The following GDI2 variants were observed in gnomAD, a reference collection of about 807,000 sequenced individuals.
The protein encoded by GDI2 is rab GDP dissociation inhibitor beta.
In GDI2, 22 loss-of-function variants were observed where a neutral mutation model predicts 54.2. The observed-to-expected ratio is 0.41, with a 90% CI of 0.29 to 0.58. The LOEUF (loss-of-function observed/expected upper bound fraction) is 0.58. Ranked by LOEUF, GDI2 falls within the 20% of genes least tolerant of loss-of-function variation. The probability of loss-of-function intolerance (pLI) is 0.35; values close to 1 mark genes in which losing one functional copy is unlikely to be tolerated. For synonymous variants in GDI2, 177 were observed against 182.1 expected (o/e 0.97, Z 0.23); for missense variants, 422 against 546.0 (o/e 0.77, Z 2.26).
chr10:5,806,057 A>C (rs1456940043), intron 1 of GDI2, among the ~76,000 whole-genome samples: 1 of 152,348 alleles, frequency 6.6e-6, no homozygotes, highest in South Asian at 2.1e-4. Context: ...TTTCTGTTAT[A>C]TATCAAGAAG....
Position 5,776,134 on chromosome 10 carries a change from G to GCTATTTCT in GDI2, c.720-2201_720-2194dup, listed in dbSNP as rs1193065958. The GCTATTTCT allele has an allele frequency of 1.1e-5, 3 of 267,222 alleles. No individual in the cohort carries two copies. The highest frequency in any genetic ancestry group is 4.7e-5 in the Admixed American group (1 of 21,458). 16.6% of individuals were successfully genotyped at this position (267,222 alleles called of 1,614,324 possible). ...ACCATTTATCAGCAACTACAAAGAA[G>GCTATTTCT]CTATTTCTTGTCACAAAAAGGCTGC... On this transcript the variant is annotated intron_variant, in intron 6 of 10. Transcript: ENST00000380191. The surrounding 1 kb of genome is among the most constrained non-coding windows in gnomAD (Gnocchi z 5.3).
chr10:5,779,233 C>T (rs1344191926), intron 6 of GDI2, among the ~76,000 whole-genome samples: 1 of 151,894 alleles, frequency 6.6e-6, no homozygotes, highest in South Asian at 2.1e-4. Flanking sequence ...AACTATAGGC[C>T]GGGAACGGTG....
At chr10:5,789,545 C>T (rs565629084) in intron 4 of GDI2, among the ~76,000 whole-genome samples, 1 of 152,204 alleles carries the variant, frequency 6.6e-6, no homozygotes, top group East Asian at 1.9e-4. Context: ...CCTTGGCCTA[C>T]CAAGTGGCTA....
In GDI2 at chr10:5,785,974, TG is replaced by T. The variant is rs1214284310; in HGVS notation, c.464del (p.Pro155GlnfsTer28). 1 of 1,613,088 alleles carries T rather than the reference TG, an allele frequency of 6.2e-7. No homozygotes were observed. The highest frequency in any genetic ancestry group is 8.5e-7 in the Non-Finnish European group (1 of 1,179,076). ...VYVANFDEKD[P>X]RTFEGIDPKK... ...TAGGATCAATGCCTTCAAAAGTTCT[TG>T]GATCTTTTTCATCGAAGTTGGCAAC... On this transcript the variant is annotated frameshift_variant, in exon 5 of 11. Coordinates refer to ENST00000380191, the MANE Select transcript of GDI2 (RefSeq NM_001494.4). LOFTEE classifies it high-confidence loss of function.
Position 5,766,406 on chromosome 10 carries a change from C to T in GDI2, c.1136+88G>A, listed in dbSNP as rs1044416026. 1.4e-5 allele frequency: 21 copies of T among 1,522,816 alleles called. No individual in the cohort carries two copies. Among genetic ancestry groups the T allele is most frequent in the Middle Eastern group, 1.8e-4 (1 of 5,490 alleles). The allele number at this position is 1,522,816 out of a possible 1,614,324, so 94.3% of individuals were successfully genotyped here. A position where few individuals can be genotyped will look rare whatever the true frequency, so the allele number is the denominator to read the frequency against. On this transcript the variant is annotated intron_variant, in intron 9 of 10. Transcript: ENST00000380191. The surrounding 1 kb of genome is among the most constrained non-coding windows in gnomAD (Gnocchi z 5.8). ...ATCCCACAGAGCAGCCAGCAGCTAC[C>T]TGCCTTGCCCTCACATTCGTCCCAC...
intron 7 of GDI2, among the ~76,000 whole-genome samples, chr10:5,773,257 C>A (rs545966798): frequency 3.9e-5 from 6 of 152,284 alleles, no homozygotes; most frequent in African/African-American, 1.2e-4. Context: ...TAAAGCAGTG[C>A]ACTTTGAAGT....
At chr10:5,811,892 C>T in intron 1 of GDI2, 1 of 1,123,602 alleles carries the variant, frequency 8.9e-7, no homozygotes, top group Non-Finnish European at 1.2e-6. Flanking sequence ...AAAAATTAGC[C>T]AAATAAAAGT....
chr10:5,802,507 G>A (rs1441882092), intron 1 of GDI2, among the ~76,000 whole-genome samples: 1 of 151,928 alleles, frequency 6.6e-6, no homozygotes, highest in Non-Finnish European at 1.5e-5. Context: ...GCTGAGGCAG[G>A]AGAATCGCTT....
chr10:5,785,876 G>C lies in GDI2; in HGVS notation c.563C>G (p.Ala188Gly). The change falls in exon 5 of 11, where the codon GCT becomes GGT. Residue 188 changes from alanine to glycine, a missense_variant. Ala to Gly is a moderately conservative substitution (Grantham distance 60, BLOSUM62 0). Transcript: ENST00000380191. ...CTCATCAGTTCTGTAAAGTGCAAGA[G>C]CATGACCAGTAAAATCTATAACGTC... is the stretch of plus-strand genomic sequence containing the variant. The part of the protein sequence containing the change: ...GQDVIDFTGH[A>G]LALYRTDDYL... The C allele has an allele frequency of 6.2e-7, 1 of 1,606,336 alleles. No homozygotes were observed. The highest frequency in any genetic ancestry group is 8.5e-7 in the Non-Finnish European group (1 of 1,173,172).
At chr10:5,808,795 C>T (rs975973740) in intron 1 of GDI2, among the ~76,000 whole-genome samples, 1 of 148,650 alleles carries the variant, frequency 6.7e-6, no homozygotes, top group South Asian at 2.1e-4. Context: ...TATTAAAGTG[C>T]CTTTTCAAAA....
chr10:5,780,438 G>A (rs572761948), intron 6 of GDI2, among the ~76,000 whole-genome samples: 1 of 152,118 alleles, frequency 6.6e-6, no homozygotes, highest in South Asian at 2.1e-4. Context: ...AGGTAAGTGG[G>A]GGAAAAACAC....
intron 1 of GDI2, among the ~76,000 whole-genome samples, chr10:5,810,496 GA>G (rs1403745348): frequency 1.3e-5 from 2 of 152,178 alleles, no homozygotes; most frequent in African/African-American, 4.8e-5. Context: ...AAGATAGAGG[GA>G]AAAAATATGA....
chr10:5,794,188 A>AAAATATAT (rs1448053813), intron 4 of GDI2, among the ~76,000 whole-genome samples: 6 of 40,338 alleles, frequency 1.5e-4, no homozygotes, highest in South Asian at 1.2e-3. Flanking sequence ...AAAAAAAAAA[A>AAAATATAT]ATATATATAT....
At chr10:5,802,592 C>T (rs113948579) in intron 1 of GDI2, among the ~76,000 whole-genome samples, 604 of 36,962 alleles carry the variant, frequency 0.016, 3 homozygotes, top group African/African-American at 0.048. Flanking sequence ...AGCAAGACTC[C>T]ATCTCAAAAA....
intron 8 of GDI2, among the ~76,000 whole-genome samples, chr10:5,767,193 CA>C (rs57625608): frequency 0.12 from 17,530 of 140,852 alleles, 1,039 homozygotes; most frequent in Middle Eastern, 0.15. Flanking sequence ...ATTTAAAGGC[CA>C]AAAAAAAAAA....
intron 4 of GDI2, among the ~76,000 whole-genome samples, chr10:5,794,500 CAT>C (rs983173246): frequency 1.8e-4 from 28 of 151,956 alleles, no homozygotes; most frequent in African/African-American, 6.8e-4. Flanking sequence ...GACCCTATGT[CAT>C]AGAGATGTTT....
chr10:5,777,647 G>A (rs1352335976), intron 6 of GDI2, among the ~76,000 whole-genome samples: 1 of 152,230 alleles, frequency 6.6e-6, no homozygotes, highest in Non-Finnish European at 1.5e-5. Context: ...AGATGCTGGA[G>A]AGGATGTGGA....
chr10:5,802,131 G>A (rs545506609), intron 1 of GDI2, among the ~76,000 whole-genome samples: 10 of 152,152 alleles, frequency 6.6e-5, no homozygotes, highest in Non-Finnish European at 1.5e-4. Flanking sequence ...CTGTGCCACT[G>A]ATCTGTAAGC....
intron 1 of GDI2, among the ~76,000 whole-genome samples, chr10:5,810,056 C>T (rs1288044486): frequency 1.3e-5 from 2 of 152,154 alleles, no homozygotes; most frequent in African/African-American, 4.8e-5. Context: ...TCTCAAAGAG[C>T]AAATCAAAGA....
Sources: gnomAD v4.1 joint callset for allele counts (sites outside exome capture counted in the v4.1 genomes callset) on GRCh38, gnomAD v4.1.1 for gene constraint, Gnocchi (gnomAD v3.1) non-coding constraint, MANE v1.5 for transcripts, NCBI Gene and HGNC (gene_info 2026-07-23, HGNC 2026-07-21) for gene names.